The following ADCY8 variants were observed in gnomAD, a reference collection of about 807,000 sequenced individuals.
ADCY8 encodes adenylate cyclase 8, also known as adenylate cyclase type 8.
In ADCY8, 51 loss-of-function variants were observed where a neutral mutation model predicts 119.7. That is an observed-to-expected ratio of 0.43 (90% CI 0.34 to 0.54). ADCY8 has a LOEUF of 0.54. ADCY8 is among the 20% of genes least tolerant of loss of function. The probability of loss-of-function intolerance (pLI) is 0.03; values close to 1 mark genes in which losing one functional copy is unlikely to be tolerated. For missense variants in ADCY8, 1,383 were observed against 1,598.8 expected (o/e 0.87, Z 2.30); for synonymous variants, 665 against 651.0 (o/e 1.02, Z -0.33).
chr8:130,902,322 AT>A (rs1385212064), intron 7 of ADCY8, among the ~76,000 whole-genome samples: 1 of 152,198 alleles, frequency 6.6e-6, no homozygotes. Context: ...TAACACCATT[AT>A]TTTATAAAAC....
chr8:130,979,056 T>C (rs1408235803), intron 2 of ADCY8, among the ~76,000 whole-genome samples: 2 of 152,134 alleles, frequency 1.3e-5, no homozygotes, highest in African/African-American at 4.8e-5. Flanking sequence ...ATGGAATAAG[T>C]AATGTTCTAT....
chr8:130,831,160 G>C (rs933134641), intron 12 of ADCY8, among the ~76,000 whole-genome samples: 1 of 152,146 alleles, frequency 6.6e-6, no homozygotes, highest in Non-Finnish European at 1.5e-5. Context: ...AAATCTTAAG[G>C]GTTGTGAATG....
chr8:130,974,187 A>G (rs966696042), intron 2 of ADCY8, among the ~76,000 whole-genome samples: 3 of 152,202 alleles, frequency 2.0e-5, no homozygotes, highest in African/African-American at 7.2e-5. Context: ...GAGCTTTATT[A>G]TCAAGAATGG....
At chr8:130,944,869 C>A (rs1165538101) in intron 3 of ADCY8, among the ~76,000 whole-genome samples, 1 of 152,122 alleles carries the variant, frequency 6.6e-6, no homozygotes, top group Non-Finnish European at 1.5e-5. Flanking sequence ...AGTGCCTTTC[C>A]TCAAGATGCT....
chr8:130,780,714 G>T lies in ADCY8; in HGVS notation c.3432C>A (p.Gly1144=), dbSNP rs776193296. Residue 1144 remains glycine (G), a synonymous_variant, in exon 18 of 18, where the codon GGC becomes GGA. Coordinates refer to ENST00000286355, the MANE Select transcript of ADCY8 (RefSeq NM_001115.3). ...TCTCCCCTCGGTAATCAAAGGCAAA[G>T]CCCTGGTCCTTCAGGATGAGATAGG... The part of the protein sequence containing the change: ...EETYLILKDQ[G]FAFDYRGEIY... 2.5e-6 allele frequency: 4 copies of T among 1,614,214 alleles called. No individual in the cohort carries two copies. The South Asian group carries it at 4.4e-5, about 18-fold the overall frequency.
chr8:130,867,875 C>T lies in ADCY8; in HGVS notation c.2181G>A (p.Thr727=), dbSNP rs779063840. 1.6e-5 allele frequency: 26 copies of T among 1,610,684 alleles called. 1 individual carries two copies. The South Asian group carries it at 1.8e-4, about 11-fold the overall frequency. Residue 727 remains threonine (T), a synonymous_variant, in exon 9 of 18, where the codon ACG becomes ACA. Transcript: ENST00000286355. The part of the protein sequence containing the change: ...VCAFIVLLFI[T]AIQSLLPSSR... ...AAGAAGGAAGCAAACTTTGTATTGC[C>T]GTGATAAATAGAAGAACGATAAATG...
chr8:130,922,684 C>T (rs146220224), intron 5 of ADCY8, among the ~76,000 whole-genome samples: 2,281 of 152,292 alleles, frequency 0.015, 43 homozygotes, highest in African/African-American at 0.053. Context: ...TCCACAAAAC[C>T]GCCATTGTCA....
intron 5 of ADCY8, among the ~76,000 whole-genome samples, chr8:130,914,824 C>T (rs541200397): frequency 2.6e-5 from 4 of 152,340 alleles, no homozygotes; most frequent in Admixed American, 1.3e-4. Flanking sequence ...TCTAGACACT[C>T]GGATTCTGGA....
intron 1 of ADCY8, among the ~76,000 whole-genome samples, chr8:131,012,032 A>G (rs1823323533): frequency 6.6e-6 from 1 of 152,176 alleles, no homozygotes; most frequent in African/African-American, 2.4e-5. Context: ...CACTCCCAGG[A>G]ACCCATTTGG....
intron 1 of ADCY8, among the ~76,000 whole-genome samples, chr8:130,998,625 G>A (rs1164360074): frequency 1.3e-5 from 2 of 152,146 alleles, no homozygotes; most frequent in Non-Finnish European, 2.9e-5. Flanking sequence ...TGGGCGACTG[G>A]GAAGAAAACA....
intron 15 of ADCY8, among the ~76,000 whole-genome samples, chr8:130,785,737 T>C (rs1251847277): frequency 6.6e-6 from 1 of 152,260 alleles, no homozygotes; most frequent in Non-Finnish European, 1.5e-5. Flanking sequence ...AATCAGATCC[T>C]GTCCCTGCTC....
chr8:130,938,739 T>C (rs1205588247), intron 4 of ADCY8, among the ~76,000 whole-genome samples: 5 of 152,218 alleles, frequency 3.3e-5, no homozygotes, highest in Non-Finnish European at 5.9e-5. Flanking sequence ...TCTGGTACTT[T>C]CCCGTCAGAT....
chr8:130,859,346 A>G (rs1291329745), intron 9 of ADCY8, among the ~76,000 whole-genome samples: 1 of 152,242 alleles, frequency 6.6e-6, no homozygotes, highest in Non-Finnish European at 1.5e-5. Context: ...TCCAACAATG[A>G]GAAAACTGAC....
At chr8:130,830,271 C>G (rs1045488098) in intron 12 of ADCY8, among the ~76,000 whole-genome samples, 1 of 152,152 alleles carries the variant, frequency 6.6e-6, no homozygotes, top group Non-Finnish European at 1.5e-5. Flanking sequence ...AAAATGGTGG[C>G]TCCATCTTCC....
chr8:130,824,768 A>C (rs1816623726), intron 12 of ADCY8, among the ~76,000 whole-genome samples: 1 of 152,214 alleles, frequency 6.6e-6, no homozygotes. Flanking sequence ...TGTAAAATGA[A>C]AATGCAGGGG....
chr8:130,835,736 A>G (rs1816966055), intron 12 of ADCY8, among the ~76,000 whole-genome samples: 1 of 152,188 alleles, frequency 6.6e-6, no homozygotes, highest in South Asian at 2.1e-4. Context: ...CATGCTTTAA[A>G]TCATCCTTAG....
chr8:130,954,884 T>C (rs902058697), intron 2 of ADCY8, among the ~76,000 whole-genome samples: 3 of 152,182 alleles, frequency 2.0e-5, no homozygotes, highest in African/African-American at 4.8e-5. Flanking sequence ...ATTCCTATGA[T>C]TGGAGCTAAC....
At position 130,943,371 on chromosome 8, in the gene ADCY8, T is replaced by C; in HGVS notation, c.1333A>G (p.Arg445Gly). Residue 445 changes from arginine to glycine, a missense_variant, in exon 4 of 18, where the codon AGA (arginine) becomes GGA (glycine). By Grantham distance (125) the Arg-to-Gly change is moderately radical. Transcript: ENST00000286355. ...LVRMLNELFA[R>G]FDRLAHEHHC... ...CTCACATGGGCCAGTCGATCAAATCTGGCAAAGAGCTCGTTGAGCATCCTG... is the reference window on the plus strand; with the variant it reads ...CTCACATGGGCCAGTCGATCAAATCCGGCAAAGAGCTCGTTGAGCATCCTG... 1 of 1,612,214 alleles carries C rather than the reference T, an allele frequency of 6.2e-7. No homozygotes were observed. The highest frequency in any genetic ancestry group is 1.3e-5 in the African/African-American group (1 of 74,420).
At chr8:130,784,814 T>C (rs1815201140) in intron 16 of ADCY8, among the ~76,000 whole-genome samples, 1 of 151,722 alleles carries the variant, frequency 6.6e-6, no homozygotes, top group Admixed American at 6.6e-5. Context: ...TTGGAAGAAA[T>C]TGATGAGAAT....
Sources: gnomAD v4.1 joint callset for allele counts (sites outside exome capture counted in the v4.1 genomes callset) on GRCh38, gnomAD v4.1.1 for gene constraint, MANE v1.5 for transcripts, NCBI Gene and HGNC (gene_info 2026-07-23, HGNC 2026-07-21) for gene names.